KCNIP4: variants seen among roughly 807,000 people sequenced by gnomAD.
KCNIP4 encodes Kv channel-interacting protein 4.
Under a neutral mutation model 34.0 loss-of-function variants are expected in KCNIP4, and 12 were observed. The ratio of observed to expected loss-of-function variants is 0.35; its 90% CI spans 0.23 to 0.57. The LOEUF (loss-of-function observed/expected upper bound fraction) is 0.57, where lower values mean the gene tolerates loss of function less well. Among genes scored for constraint, KCNIP4 ranks in the 20% least tolerant of loss-of-function variants. The probability of loss-of-function intolerance (pLI) is 0.83; values close to 1 mark genes in which losing one functional copy is unlikely to be tolerated. For missense variants in KCNIP4, 238 were observed against 311.7 expected (o/e 0.76, Z 1.78); for synonymous variants, 124 against 102.2 (o/e 1.21, Z -1.29).
At chr4:20,760,555 A>G (rs1754872781) in intron 3 of KCNIP4, among the ~76,000 whole-genome samples, 1 of 152,190 alleles carries the variant, frequency 6.6e-6, no homozygotes, top group Non-Finnish European at 1.5e-5. Context: ...AAACAGTGTT[A>G]ACAGTTTCAA....
At chr4:21,589,156 GTATATATATATATATATA>G (rs375787939) in intron 1 of KCNIP4, among the ~76,000 whole-genome samples, 31 of 71,214 alleles carry the variant, frequency 4.4e-4, no homozygotes, top group Non-Finnish European at 8.3e-4. Context: ...ATGGAGGTGT[GTATATATATATATATATA>G]TATATATATA....
intron 1 of KCNIP4, among the ~76,000 whole-genome samples, chr4:21,534,177 T>C (rs1006602620): frequency 6.6e-6 from 1 of 152,154 alleles, no homozygotes; most frequent in Non-Finnish European, 1.5e-5. Flanking sequence ...AAACATAGCA[T>C]AGCAATGTGT....
intron 1 of KCNIP4, among the ~76,000 whole-genome samples, chr4:21,365,483 AAAT>A (rs1361295368): frequency 2.4e-4 from 19 of 79,732 alleles, no homozygotes; most frequent in African/African-American, 1.1e-3. Context: ...CTCAAAAAAT[AAAT>A]AAATAAATAA....
chr4:21,875,587 A>G (rs1035465044), intron 1 of KCNIP4, among the ~76,000 whole-genome samples: 1 of 152,188 alleles, frequency 6.6e-6, no homozygotes, highest in Admixed American at 6.6e-5. Flanking sequence ...CTTAATAAGT[A>G]TTATAATCAA....
intron 1 of KCNIP4, among the ~76,000 whole-genome samples, chr4:21,047,958 T>C (rs1742580601): frequency 6.6e-6 from 1 of 152,204 alleles, no homozygotes; most frequent in South Asian, 2.1e-4. Flanking sequence ...CTCCCCCATA[T>C]GTGGAGGGGG....
intron 5 of KCNIP4, among the ~76,000 whole-genome samples, chr4:20,748,902 A>G (rs374200966): frequency 0.16 from 22,115 of 134,188 alleles, 2,193 homozygotes; most frequent in African/African-American, 0.29. Flanking sequence ...GTGTATATAT[A>G]TATATATATA....
At chr4:20,854,815 C>T (rs1339005970) in intron 2 of KCNIP4, among the ~76,000 whole-genome samples, 1 of 152,084 alleles carries the variant, frequency 6.6e-6, no homozygotes, top group African/African-American at 2.4e-5. Flanking sequence ...AGAGGATATT[C>T]TATTTAGGTC....
intron 1 of KCNIP4, among the ~76,000 whole-genome samples, chr4:21,358,604 G>A (rs1718902436): frequency 6.6e-6 from 1 of 151,112 alleles, no homozygotes; most frequent in South Asian, 2.1e-4. Flanking sequence ...ATTTCTGGAT[G>A]TGTCTGTGAG....
intron 1 of KCNIP4, among the ~76,000 whole-genome samples, chr4:21,478,113 T>A (rs1019668699): frequency 5.9e-5 from 9 of 152,146 alleles, no homozygotes; most frequent in East Asian, 1.9e-4. Flanking sequence ...TTTTATTTTT[T>A]AAAAAATCTT....
intron 1 of KCNIP4, among the ~76,000 whole-genome samples, chr4:21,716,663 C>G (rs958909985): frequency 6.6e-6 from 1 of 152,090 alleles, no homozygotes; most frequent in Non-Finnish European, 1.5e-5. Context: ...ATGTTTACCC[C>G]CAACGAGTGA....
At chr4:21,694,914 C>CAAAAAAAAAAA (rs368053041) in intron 1 of KCNIP4, among the ~76,000 whole-genome samples, 13 of 46,486 alleles carry the variant, frequency 2.8e-4, no homozygotes, top group African/African-American at 8.5e-4. Context: ...CACGATTGAC[C>CAAAAAAAAAAA]AAAAAAAAAA....
chr4:21,088,153 A>G (rs1420998713), intron 1 of KCNIP4, among the ~76,000 whole-genome samples: 1 of 152,066 alleles, frequency 6.6e-6, no homozygotes. Flanking sequence ...AAGAAATTGC[A>G]CCATAATTTA....
At chr4:21,368,237 TAC>T (rs71189694) in intron 1 of KCNIP4, among the ~76,000 whole-genome samples, 45,551 of 143,610 alleles carry the variant, frequency 0.32, 8,804 homozygotes, top group South Asian at 0.44. Flanking sequence ...AAGAAGCTGT[TAC>T]ACACACACAC....
At chr4:20,845,961 C>T (rs1390576528) in intron 3 of KCNIP4, among the ~76,000 whole-genome samples, 1 of 152,154 alleles carries the variant, frequency 6.6e-6, no homozygotes, top group Non-Finnish European at 1.5e-5. Context: ...CATTTCTGAA[C>T]TCCTGATCCT....
chr4:20,767,991 G>T (rs1207794187), intron 3 of KCNIP4, among the ~76,000 whole-genome samples: 1 of 152,166 alleles, frequency 6.6e-6, no homozygotes, highest in African/African-American at 2.4e-5. Context: ...AGTTAAAATA[G>T]TATTTAGCAT....
intron 1 of KCNIP4, among the ~76,000 whole-genome samples, chr4:21,568,671 C>A (rs1740106727): frequency 1.3e-5 from 2 of 152,146 alleles, no homozygotes; most frequent in Non-Finnish European, 2.9e-5. Flanking sequence ...GACTCTTGGA[C>A]TTACCCCAGT....
chr4:21,789,856 G>T (rs1274887514), intron 1 of KCNIP4, among the ~76,000 whole-genome samples: 1 of 152,126 alleles, frequency 6.6e-6, no homozygotes, highest in African/African-American at 2.4e-5. Flanking sequence ...CACCCAAGTT[G>T]GGCCTTCCAA....
At chr4:21,591,541 A>G (rs1473445131) in intron 1 of KCNIP4, among the ~76,000 whole-genome samples, 2 of 152,036 alleles carry the variant, frequency 1.3e-5, no homozygotes, top group Non-Finnish European at 2.9e-5. Context: ...TGATTGCCCT[A>G]TAACTCCTTT....
chr4:20,992,214 C>G (rs1172232317), intron 1 of KCNIP4, among the ~76,000 whole-genome samples: 1 of 152,148 alleles, frequency 6.6e-6, no homozygotes, highest in Admixed American at 6.5e-5. Flanking sequence ...CCCATGGCCT[C>G]AGGAAATTTA....
Sources: gnomAD v4.1 joint callset for allele counts (sites outside exome capture counted in the v4.1 genomes callset) on GRCh38, gnomAD v4.1.1 for gene constraint, MANE v1.5 for transcripts, NCBI Gene and HGNC (gene_info 2026-07-23, HGNC 2026-07-21) for gene names.